ACTB: variants seen among roughly 807,000 people sequenced by gnomAD.
The protein encoded by ACTB is actin beta.
A neutral mutation model predicts 30.5 loss-of-function variants in ACTB; 2 were observed. The ratio of observed to expected loss-of-function variants is 0.07; its 90% confidence interval spans 0.03 to 0.21. The LOEUF (loss-of-function observed/expected upper bound fraction) is 0.21, where lower values mean the gene tolerates loss of function less well. Among genes scored for constraint, ACTB ranks in the 10% least tolerant of loss-of-function variants. The pLI, the probability that ACTB is intolerant of heterozygous loss-of-function variation, is 1.00. For missense variants in ACTB, 56 were observed against 530.0 expected (o/e 0.11, Z 8.78); for synonymous variants, 335 against 217.6 (o/e 1.54, Z -4.75).
intron 4 of ACTB, 26 bp from the exon 5 acceptor site, chr7:5,528,211 T>TA (rs1455465956): frequency 1.9e-6 from 3 of 1,613,852 alleles, no homozygotes; most frequent in Non-Finnish European, 1.7e-6. Flanking sequence ...GGGCAGGACT[T>TA]AGCTTCCACA....
At chr7:5,528,785 G>C in intron 3 of ACTB, 66 bp from the exon 4 acceptor site, 2 of 1,570,470 alleles carry the variant, frequency 1.3e-6, no homozygotes, top group East Asian at 2.2e-5. Flanking sequence ...CCAGACGGGG[G>C]ACATGCAGAA....
At chr7:5,530,289 G>A (rs1469494539) in intron 1 of ACTB, among the ~76,000 whole-genome samples, 2 of 151,934 alleles carry the variant, frequency 1.3e-5, no homozygotes, top group Admixed American at 1.3e-4. Context: ...CCCGCCCCGA[G>A]AGCGGCACCC....
rs1310776599 is a variant in ACTB at position 5,527,169 on chromosome 7, T to TTATTC, written c.*574_*578dup. On this transcript the variant is annotated 3_prime_UTR_variant, in exon 6 of 6. Coordinates refer to ENST00000646664, the MANE Select transcript of ACTB (RefSeq NM_001101.5). The stretch of plus-strand genomic sequence containing the variant: ...GGCCTCATTTTTAAGGTGTGCACTT[T>TTATTC]TATTCAACTGGTCTCAAGTCAGTGT... The TTATTC allele has an allele frequency of 5.7e-6, 1 of 176,076 alleles. No individual in the cohort carries two copies. The highest frequency in any genetic ancestry group is 1.7e-4 in the East Asian group (1 of 5,932). 10.9% of individuals were successfully genotyped at this position (176,076 alleles called of 1,614,324 possible).
rs1272216260 is a variant in ACTB, at chr7:5,528,246, A to C, written c.802+35T>G. 3.7e-6 allele frequency: 6 copies of C among 1,613,786 alleles called. No individual in the cohort carries two copies. In the East Asian group the frequency reaches 1.3e-4, roughly 36 times the overall value. On this transcript the variant is annotated intron_variant, in intron 4 of 5. Transcript: ENST00000646664. ...AGCACAGCCCCGAGGGGTAACCCTC[A>C]TGTCAGGCAGAGCCGGGAGACAGTC...
Position 5,527,447 on chromosome 7 carries a change from G to A in ACTB, c.*301C>T, listed in dbSNP as rs1469339893. The stretch of plus-strand genomic sequence containing the variant: ...CATTCTCCTTAGAGAGAAGTGGGGT[G>A]GCTTTTAGGATGGCAAGGGACTTCC... On this transcript the variant is annotated 3_prime_UTR_variant, in exon 6 of 6. Transcript: ENST00000646664. The A allele has an allele frequency of 1.6e-5, 8 of 487,232 alleles. No individual in the cohort carries two copies. Among genetic ancestry groups the A allele is most frequent in the Non-Finnish European group, 2.6e-5 (7 of 270,650 alleles). The allele number at this position is 487,232 out of a possible 1,614,324, so 30.2% of individuals were successfully genotyped here.
Position 5,527,990 on chromosome 7 carries a change from G to A in ACTB, c.984+14C>T. The A allele has an allele frequency of 1.2e-6, 2 of 1,613,276 alleles. No homozygotes were observed. Among genetic ancestry groups the A allele is most frequent in the Non-Finnish European group, 8.5e-7 (1 of 1,179,186 alleles). On this transcript the variant is annotated intron_variant, in intron 5 of 5. Coordinates refer to ENST00000646664, the MANE Select transcript of ACTB (RefSeq NM_001101.5). Reference sequence around the variant, plus strand: ...CGACCTGCCCAGGTCAGCTCAGGCAGGAAAGACACCCACCTTGATCTTCAT... The same window carrying A: ...CGACCTGCCCAGGTCAGCTCAGGCAAGAAAGACACCCACCTTGATCTTCAT...
chr7:5,527,936 G>A (rs779955058), intron 5 of ACTB, 45 bp from the exon 6 acceptor site: 1 of 1,613,084 alleles, frequency 6.2e-7, no homozygotes, highest in East Asian at 2.2e-5. Flanking sequence ...GGATGTGACA[G>A]CTCCCCACAC....
chr7:5,528,823 G>A lies in ACTB; in HGVS notation c.364-104C>T, dbSNP rs1291754968. 4.1e-6 allele frequency: 6 copies of A among 1,480,018 alleles called. No individual in the cohort carries two copies. In the African/African-American group the frequency reaches 5.5e-5, roughly 14 times the overall value. The allele number at this position is 1,480,018 out of a possible 1,614,324, so 91.7% of individuals were successfully genotyped here. ...TGCAAAGAACACGGCTAAGTGTGCTGGGGTCTTGGGATGGGGAGTCTGTTC... is the reference window on the plus strand; with the variant it reads ...TGCAAAGAACACGGCTAAGTGTGCTAGGGTCTTGGGATGGGGAGTCTGTTC... On this transcript the variant is annotated intron_variant, in intron 3 of 5. Transcript: ENST00000646664.
At chr7:5,529,879 C>A in intron 1 of ACTB, 4 of 758,096 alleles carry the variant, frequency 5.3e-6, no homozygotes, top group Non-Finnish European at 8.8e-6. Flanking sequence ...CCCCTCCCAA[C>A]CGGGCGCCAG....
chr7:5,529,305 G>A lies in ACTB; in HGVS notation c.219C>T (p.His73=), dbSNP rs1166509821. The A allele has an allele frequency of 3.1e-6, 5 of 1,614,068 alleles. No individual in the cohort carries two copies. The highest frequency in any genetic ancestry group is 1.1e-5 in the South Asian group (1 of 91,090). The change falls in exon 3 of 6, where the codon CAC becomes CAT. Residue 73 remains histidine, a synonymous_variant. Transcript: ENST00000646664. ...TGTCGTCCCAGTTGGTGACGATGCC[G>A]TGCTCGATGGGGTACTTCAGGGTGA... ...GILTLKYPIE[H]GIVTNWDDME... is the part of the protein sequence containing the mutation.
At chr7:5,530,141 G>T (rs999364733) in intron 1 of ACTB, among the ~76,000 whole-genome samples, 62 of 152,056 alleles carry the variant, frequency 4.1e-4, no homozygotes, top group African/African-American at 1.3e-3. Context: ...CAGCGCGCAC[G>T]CAGTTAGCGC....
In ACTB at chr7:5,529,680, G is replaced by A; in HGVS notation, c.-6-17C>T. 2 of 1,611,026 alleles carry A rather than the reference G, an allele frequency of 1.2e-6. No individual in the cohort carries two copies. The highest frequency in any genetic ancestry group is 1.7e-6 in the Non-Finnish European group (2 of 1,179,342). ...CATGGTGAGCTGCGAGAATAGCCGGGCGCGCTGTGAGCCGAGGTCGCCCCC... is the reference window on the plus strand; with the variant it reads ...CATGGTGAGCTGCGAGAATAGCCGGACGCGCTGTGAGCCGAGGTCGCCCCC... On this transcript the variant is annotated splice_polypyrimidine_tract_variant and intron_variant, in intron 1 of 5. Coordinates refer to ENST00000646664, the MANE Select transcript of ACTB (RefSeq NM_001101.5).
At chr7:5,530,182 C>G (rs1784860658) in intron 1 of ACTB, among the ~76,000 whole-genome samples, 1 of 152,036 alleles carries the variant, frequency 6.6e-6, no homozygotes, top group Non-Finnish European at 1.5e-5. Flanking sequence ...CGCAATGGCG[C>G]CCCAGCCCCC....
rs13447407 is a variant in ACTB at position 5,528,085 on chromosome 7, G to A, written c.903C>T (p.Gly301=). ...KDLYANTVLS[G]GTTMYPGIAD... is the part of the protein sequence containing the mutation. ...CAATGCCAGGGTACATGGTGGTGCC[G>A]CCAGACAGCACTGTGTTGGCGTACA... The change falls in exon 5 of 6, where the codon GGC becomes GGT. Residue 301 remains glycine (G), a synonymous_variant. Coordinates refer to ENST00000646664, the MANE Select transcript of ACTB (RefSeq NM_001101.5). 8.7e-5 allele frequency: 140 copies of A among 1,614,218 alleles called. No homozygotes were observed. The East Asian group carries it at 1.0e-3, about 12-fold the overall frequency.
rs1306601475 is a variant in ACTB at position 5,527,515 on chromosome 7, A to T, written c.*233T>A. 4 of 666,998 alleles carry T rather than the reference A, an allele frequency of 6.0e-6. No homozygotes were observed. The African/African-American group carries it at 7.3e-5, about 12-fold the overall frequency. The allele number at this position is 666,998 out of a possible 1,614,324, so 41.3% of individuals were successfully genotyped here. ...TATTTGGAATGACTATTAAAAAAACAACAATGTGCAATCAAAGTCCTCGGC... is the reference window on the plus strand; with the variant it reads ...TATTTGGAATGACTATTAAAAAAACTACAATGTGCAATCAAAGTCCTCGGC... On this transcript the variant is annotated 3_prime_UTR_variant, in exon 6 of 6. Transcript: ENST00000646664.
At chr7:5,529,833 GT>G in intron 1 of ACTB, 170 bp from the exon 2 acceptor site, 1 of 1,136,994 alleles carries the variant, frequency 8.8e-7, no homozygotes, top group Non-Finnish European at 1.3e-6. Context: ...GGTCGGAGGC[GT>G]CCCCGCGGCG....
At chr7:5,528,762 G>A (rs1389288762) in intron 3 of ACTB, 43 bp from the exon 4 acceptor site, 6 of 1,604,524 alleles carry the variant, frequency 3.7e-6, no homozygotes, top group Non-Finnish European at 5.1e-6. Context: ...GGAAGCCACT[G>A]GGGACAGCCA....
In ACTB at chr7:5,527,641, C is replaced by G; in HGVS notation, c.*107G>C. On this transcript the variant is annotated 3_prime_UTR_variant, in exon 6 of 6. Coordinates refer to ENST00000646664, the MANE Select transcript of ACTB (RefSeq NM_001101.5). The stretch of plus-strand genomic sequence containing the variant: ...GTCAAGCCAAAAAAAAAAAAAAAAC[C>G]AAAACAAAACAAAAAAAACAAATAA... The G allele has an allele frequency of 2.7e-6, 4 of 1,469,996 alleles. No individual in the cohort carries two copies. Among genetic ancestry groups the G allele is most frequent in the Non-Finnish European group, 3.7e-6 (4 of 1,081,534 alleles). 91.1% of individuals were successfully genotyped at this position (1,469,996 alleles called of 1,614,324 possible).
chr7:5,527,403 A>G lies in ACTB; in HGVS notation c.*345T>C, dbSNP rs1413294962. On this transcript the variant is annotated 3_prime_UTR_variant, in exon 6 of 6. Transcript: ENST00000646664. ...CAATGCTATCACCTCCCCTGTGTGGACTTGGGAGAGGACTGGGCCATTCTC... is the reference window on the plus strand; with the variant it reads ...CAATGCTATCACCTCCCCTGTGTGGGCTTGGGAGAGGACTGGGCCATTCTC... The G allele has an allele frequency of 2.4e-6, 1 of 410,852 alleles. No homozygotes were observed. 25.5% of individuals were successfully genotyped at this position (410,852 alleles called of 1,614,324 possible).
Sources: allele counts gnomAD v4.1 joint callset (sites outside exome capture counted in the v4.1 genomes callset), GRCh38; gene constraint gnomAD v4.1.1; transcripts MANE v1.5; gene names NCBI Gene and HGNC (gene_info 2026-07-23, HGNC 2026-07-21).